MSI2: variants seen among roughly 807,000 people sequenced by gnomAD.
MSI2 encodes the protein RNA-binding protein Musashi homolog 2.
Under a neutral mutation model 45.6 loss-of-function variants are expected in MSI2, and 17 were observed. That is an observed-to-expected ratio of 0.37 (90% CI 0.26 to 0.56). The LOEUF (loss-of-function observed/expected upper bound fraction) is 0.56, where lower values mean the gene tolerates loss of function less well. MSI2 is among the 20% of genes least tolerant of loss of function. The pLI, the probability that MSI2 is intolerant of heterozygous loss-of-function variation, is 0.77. For synonymous variants in MSI2, 156 were observed against 158.2 expected, an observed-to-expected ratio of 0.99 and a Z score of 0.11; for missense variants, 293 against 444.2, an observed-to-expected ratio of 0.66 and a Z score of 3.06.
chr17:57,673,033 C>A (rs1047741042), intron 11 of MSI2, among the ~76,000 whole-genome samples: 3 of 152,178 alleles, frequency 2.0e-5, no homozygotes, highest in Admixed American at 2.0e-4. Context: ...TTATTCATTT[C>A]TCAGCTACAG....
intron 7 of MSI2, among the ~76,000 whole-genome samples, chr17:57,574,083 A>G (rs562739891): frequency 2.6e-5 from 4 of 152,158 alleles, no homozygotes; most frequent in African/African-American, 9.6e-5. Flanking sequence ...CTGGGCTAGG[A>G]TTTGTCAGTC....
At chr17:57,301,957 T>C (rs1045058163) in intron 5 of MSI2, among the ~76,000 whole-genome samples, 1 of 152,240 alleles carries the variant, frequency 6.6e-6, no homozygotes, top group East Asian at 1.9e-4. Flanking sequence ...TTTTGTGATA[T>C]ATTGTAGTTT....
chr17:57,362,706 T>C (rs140972189), intron 5 of MSI2, among the ~76,000 whole-genome samples: 2,216 of 152,278 alleles, frequency 0.015, 20 homozygotes, highest in South Asian at 0.024. Context: ...CCCCATTCTT[T>C]TCCCTCTTTA....
chr17:57,347,927 G>T (rs1264975289), intron 5 of MSI2, among the ~76,000 whole-genome samples: 2 of 152,212 alleles, frequency 1.3e-5, no homozygotes, highest in Non-Finnish European at 2.9e-5. Context: ...TGACTATGGC[G>T]ATAGAGCGGT....
chr17:57,371,153 G>A (rs574382161), intron 5 of MSI2, among the ~76,000 whole-genome samples: 10 of 152,058 alleles, frequency 6.6e-5, no homozygotes, highest in Non-Finnish European at 7.4e-5. Flanking sequence ...TCAAATGCTC[G>A]TGACTCAAAT....
rs2086766308 is a variant in MSI2 at position 57,529,101 on chromosome 17, A to T, written c.406-575A>T. Among the ~76,000 whole-genome samples the T allele has an allele frequency of 6.6e-6, 1 of 152,186 alleles. No homozygotes were observed. Among genetic ancestry groups the T allele is most frequent in the Non-Finnish European group, 1.5e-5 (1 of 68,036 alleles). Reference sequence around the variant, plus strand: ...CAAATTCCATATACTATATGATTTAAACTATATTGAAATAGTCATAGTTTT... The same window carrying T: ...CAAATTCCATATACTATATGATTTATACTATATTGAAATAGTCATAGTTTT... On this transcript the variant is annotated intron_variant, in intron 6 of 13. Transcript: ENST00000284073. The surrounding 1 kb of genome is among the most constrained non-coding windows in gnomAD (Gnocchi z 5.3).
intron 7 of MSI2, among the ~76,000 whole-genome samples, chr17:57,548,330 G>T (rs1002886224): frequency 6.6e-6 from 1 of 151,430 alleles, no homozygotes; most frequent in Non-Finnish European, 1.5e-5. Flanking sequence ...ATATTAATTC[G>T]TTTAAAAAAA....
chr17:57,264,358 GC>G (rs1305147673), intron 5 of MSI2: 1 of 152,006 alleles, frequency 6.6e-6, no homozygotes, highest in Non-Finnish European at 1.5e-5. Flanking sequence ...TGCCATAGAA[GC>G]GTTAACCTGC....
chr17:57,673,728 A>AGT (rs1373094618), intron 11 of MSI2, among the ~76,000 whole-genome samples: 1 of 152,090 alleles, frequency 6.6e-6, no homozygotes, highest in Non-Finnish European at 1.5e-5. Context: ...GGGCCGAGGC[A>AGT]GTGTCACCTT....
chr17:57,537,986 G>A (rs191494095), intron 7 of MSI2, among the ~76,000 whole-genome samples: 64 of 152,318 alleles, frequency 4.2e-4, no homozygotes, highest in African/African-American at 1.5e-3. Flanking sequence ...GCCCACGGAA[G>A]CAGAAAGGGA....
intron 6 of MSI2, among the ~76,000 whole-genome samples, chr17:57,431,571 G>A (rs1014130903): frequency 1.3e-5 from 2 of 152,166 alleles, no homozygotes; most frequent in South Asian, 4.1e-4. Context: ...GGCACCTGTG[G>A]TCTTGGAATG....
At chr17:57,599,132 A>G (rs994905500) in intron 8 of MSI2, among the ~76,000 whole-genome samples, 1 of 152,240 alleles carries the variant, frequency 6.6e-6, no homozygotes, top group Admixed American at 6.5e-5. Flanking sequence ...CTGTCTTGCC[A>G]AGCCTTAAGG....
chr17:57,346,066 ATGT>A (rs1915569993), intron 5 of MSI2, among the ~76,000 whole-genome samples: 1 of 152,104 alleles, frequency 6.6e-6, no homozygotes, highest in Non-Finnish European at 1.5e-5. Flanking sequence ...TATCCTGCAA[ATGT>A]TGTTATTTAT....
intron 7 of MSI2, among the ~76,000 whole-genome samples, chr17:57,541,809 C>T (rs2087052724): frequency 6.6e-6 from 1 of 152,204 alleles, no homozygotes; most frequent in African/African-American, 2.4e-5. Context: ...CACCTTTGAG[C>T]ACTCCTTACG....
intron 5 of MSI2, among the ~76,000 whole-genome samples, chr17:57,349,217 T>C (rs1481438226): frequency 6.6e-6 from 1 of 152,172 alleles, no homozygotes; most frequent in Non-Finnish European, 1.5e-5. Flanking sequence ...TCTCCTCAGC[T>C]CACTGCCTTC....
chr17:57,390,064 C>A (rs143289686), intron 5 of MSI2, among the ~76,000 whole-genome samples: 1 of 133,688 alleles, frequency 7.5e-6, no homozygotes, highest in Non-Finnish European at 1.6e-5. Flanking sequence ...ATAGCCAGAC[C>A]CTGTCTTTAC....
In MSI2 at chr17:57,652,279, C is replaced by T. The variant is rs1320768267; in HGVS notation, c.790+118C>T. The T allele has an allele frequency of 8.7e-6, 9 of 1,032,788 alleles. No homozygotes were observed. Among genetic ancestry groups the T allele is most frequent in the African/African-American group, 4.7e-5 (3 of 63,338 alleles). The allele number at this position is 1,032,788 out of a possible 1,614,324, so 64.0% of individuals were successfully genotyped here. On this transcript the variant is annotated intron_variant, in intron 11 of 13. Coordinates refer to ENST00000284073, the MANE Select transcript of MSI2 (RefSeq NM_138962.4). The surrounding 1 kb of genome is among the most constrained non-coding windows in gnomAD (Gnocchi z 4.1). Reference sequence around the variant, plus strand: ...TCCAACACCACTCTCACCACAGCCCCGGGGAGGGGGTGGACGGGGAGGGGG... The same window carrying T: ...TCCAACACCACTCTCACCACAGCCCTGGGGAGGGGGTGGACGGGGAGGGGG...
chr17:57,472,709 G>C (rs1479384321), intron 6 of MSI2, among the ~76,000 whole-genome samples: 3 of 152,166 alleles, frequency 2.0e-5, no homozygotes, highest in Non-Finnish European at 2.9e-5. Flanking sequence ...GCTGTGCGCT[G>C]TGTGAAACAC....
intron 5 of MSI2, among the ~76,000 whole-genome samples, chr17:57,398,521 T>C (rs1598215486): frequency 6.6e-6 from 1 of 152,212 alleles, no homozygotes; most frequent in East Asian, 1.9e-4. Flanking sequence ...TGGAAGACAA[T>C]AGGACAGTAA....
Sources: allele counts gnomAD v4.1 joint callset (sites outside exome capture counted in the v4.1 genomes callset), GRCh38; gene constraint gnomAD v4.1.1; non-coding constraint Gnocchi (gnomAD v3.1); transcripts MANE v1.5; gene names NCBI Gene and HGNC (gene_info 2026-07-23, HGNC 2026-07-21).